The following DKK2 variants were observed in gnomAD, a reference collection of about 807,000 sequenced individuals.
DKK2 encodes dickkopf Wnt signaling pathway inhibitor 2, also known as dickkopf-related protein 2.
DKK2 carries 11 observed loss-of-function variants against 28.1 expected under a neutral mutation model. The ratio of observed to expected loss-of-function variants is 0.39; its 90% CI spans 0.25 to 0.65. The LOEUF (loss-of-function observed/expected upper bound fraction) is 0.65. Ranked by LOEUF, DKK2 falls within the 30% of genes least tolerant of loss-of-function variation. DKK2 has a pLI of 0.47. For synonymous variants in DKK2, 135 were observed against 126.5 expected, an observed-to-expected ratio of 1.07 and a Z score of -0.45; for missense variants, 326 against 335.5, an observed-to-expected ratio of 0.97 and a Z score of 0.22.
chr4:106,980,975 C>G (rs1047915866), intron 1 of DKK2, among the ~76,000 whole-genome samples: 7 of 152,098 alleles, frequency 4.6e-5, no homozygotes, highest in African/African-American at 1.7e-4. Flanking sequence ...TTATTATTAT[C>G]CCTCCACCCG....
intron 1 of DKK2, among the ~76,000 whole-genome samples, chr4:107,003,114 G>C (rs183938491): frequency 6.6e-6 from 1 of 152,278 alleles, no homozygotes; most frequent in African/African-American, 2.4e-5. Context: ...AATGAGCTCA[G>C]GGAGAATGTT....
chr4:106,997,864 C>T (rs1467761709), intron 1 of DKK2, among the ~76,000 whole-genome samples: 2 of 152,118 alleles, frequency 1.3e-5, no homozygotes, highest in Non-Finnish European at 2.9e-5. Flanking sequence ...TATTGCCCAC[C>T]AAATTACAAC....
chr4:106,994,491 CCACACACACACACACACA>C (rs112978532), intron 1 of DKK2, among the ~76,000 whole-genome samples: 1 of 145,740 alleles, frequency 6.9e-6, no homozygotes, highest in African/African-American at 2.5e-5. Flanking sequence ...CACATGTACA[CCACACACACACACACACA>C]CACACACACA....
rs11354225 is a variant in DKK2 at position 106,979,442 on chromosome 4, CTT to C, written c.223-53495_223-53494del. Among the ~76,000 whole-genome samples, 505 of 138,396 alleles carry C rather than the reference CTT, an allele frequency of 3.6e-3. 2 individuals are homozygous for C. The highest frequency in any genetic ancestry group is 9.6e-3 in the African/African-American group (361 of 37,494). 90.8% of individuals were successfully genotyped at this position (138,396 alleles called of 152,430 possible). ...TCTAATCAGACTACTTAGTATCCTT[CTT>C]TTTTTTTTTTTTTTCAAATACAGGA... On this transcript the variant is annotated intron_variant, in intron 1 of 3. Transcript: ENST00000285311.
At chr4:106,965,134 T>C (rs920629408) in intron 1 of DKK2, among the ~76,000 whole-genome samples, 1 of 152,194 alleles carries the variant, frequency 6.6e-6, no homozygotes, top group Non-Finnish European at 1.5e-5. Flanking sequence ...TTCCATACTT[T>C]TCTTGTACTC....
intron 1 of DKK2, among the ~76,000 whole-genome samples, chr4:106,998,407 G>T (rs1005321243): frequency 1.3e-5 from 2 of 152,004 alleles, no homozygotes; most frequent in Non-Finnish European, 2.9e-5. Context: ...AGTTGTAAAG[G>T]TATATTTATC....
At chr4:106,970,062 G>A (rs752169078) in intron 1 of DKK2, among the ~76,000 whole-genome samples, 1 of 152,114 alleles carries the variant, frequency 6.6e-6, no homozygotes, top group South Asian at 2.1e-4. Context: ...TTCAGTGCAC[G>A]TAAGCCAGGT....
chr4:106,953,557 T>C (rs929163493), intron 1 of DKK2, among the ~76,000 whole-genome samples: 2 of 152,136 alleles, frequency 1.3e-5, no homozygotes, highest in African/African-American at 4.8e-5. Context: ...AGGTTACAGA[T>C]CAGACGTTTC....
chr4:106,980,671 A>C, intron 1 of DKK2, among the ~76,000 whole-genome samples: 1 of 152,184 alleles, frequency 6.6e-6, no homozygotes, highest in African/African-American at 2.4e-5. Context: ...CTGCAAGCTA[A>C]AGTTCATAGA....
intron 1 of DKK2, among the ~76,000 whole-genome samples, chr4:106,964,952 T>G (rs1047958113): frequency 7.2e-6 from 1 of 138,582 alleles, no homozygotes; most frequent in Non-Finnish European, 1.6e-5. Context: ...TAGATATAGA[T>G]AGATAGATAT....
chr4:106,924,228 T>C, intron 3 of DKK2, 24 bp from the exon 4 acceptor site: 4 of 1,609,416 alleles, frequency 2.5e-6, no homozygotes. Context: ...GACCAATAGA[T>C]GTTACCCTGA....
intron 1 of DKK2, among the ~76,000 whole-genome samples, chr4:106,931,628 C>T (rs1211286024): frequency 1.3e-5 from 2 of 151,996 alleles, no homozygotes; most frequent in Non-Finnish European, 2.9e-5. Flanking sequence ...AATAAAATGA[C>T]TTCTGACTAT....
chr4:106,948,091 TA>T (rs1310143294), intron 1 of DKK2, among the ~76,000 whole-genome samples: 3 of 152,192 alleles, frequency 2.0e-5, no homozygotes, highest in African/African-American at 4.8e-5. Context: ...TGGGCATTAT[TA>T]ACTTCAGTTT....
intron 1 of DKK2, among the ~76,000 whole-genome samples, chr4:106,998,174 G>A (rs1267170447): frequency 6.6e-6 from 1 of 152,146 alleles, no homozygotes; most frequent in African/African-American, 2.4e-5. Context: ...CTTCTCAGTT[G>A]CCAAGATATC....
chr4:106,961,949 A>G (rs1049377210), intron 1 of DKK2, among the ~76,000 whole-genome samples: 32 of 152,314 alleles, frequency 2.1e-4, no homozygotes, highest in Non-Finnish European at 4.3e-4. Context: ...GCTTGTCATC[A>G]GGGCAAAGCT....
intron 1 of DKK2, among the ~76,000 whole-genome samples, chr4:106,945,081 C>G (rs572116701): frequency 6.6e-6 from 1 of 152,210 alleles, no homozygotes; most frequent in African/African-American, 2.4e-5. Flanking sequence ...CTTCATCTTC[C>G]CTTCTAGAGC....
chr4:107,030,041 G>A (rs1723852621), intron 1 of DKK2, among the ~76,000 whole-genome samples: 1 of 151,934 alleles, frequency 6.6e-6, no homozygotes, highest in Non-Finnish European at 1.5e-5. Context: ...AGATTCAGGG[G>A]TTGTGGAATA....
intron 1 of DKK2, among the ~76,000 whole-genome samples, chr4:106,981,056 T>C (rs1000065913): frequency 1.3e-5 from 2 of 152,166 alleles, no homozygotes; most frequent in African/African-American, 4.8e-5. Flanking sequence ...AATTTGCTGA[T>C]AATTTTGCCC....
chr4:107,015,914 A>G (rs1042724803), intron 1 of DKK2, among the ~76,000 whole-genome samples: 1 of 151,776 alleles, frequency 6.6e-6, no homozygotes, highest in Admixed American at 6.6e-5. Context: ...TCTATGTACC[A>G]CTCTGATAGA....
Sources: allele counts gnomAD v4.1 joint callset (sites outside exome capture counted in the v4.1 genomes callset), GRCh38; gene constraint gnomAD v4.1.1; transcripts MANE v1.5; gene names NCBI Gene and HGNC (gene_info 2026-07-23, HGNC 2026-07-21).